The following HSD17B7 variants were observed in gnomAD, a reference collection of about 807,000 sequenced individuals.
HSD17B7 encodes the protein hydroxysteroid 17-beta dehydrogenase 7, also known as 3-keto-steroid reductase/17-beta-hydroxysteroid dehydrogenase 7.
HSD17B7 carries 17 observed loss-of-function variants against 34.1 expected under a neutral mutation model. The observed-to-expected ratio is 0.50, with a 90% CI of 0.34 to 0.75. HSD17B7 has a LOEUF of 0.75. Among genes scored for constraint, HSD17B7 ranks in the 30% least tolerant of loss-of-function variants. HSD17B7 has a pLI of 0.01. For synonymous variants in HSD17B7, 122 were observed against 154.6 expected (o/e 0.79, Z 1.56); for missense variants, 296 against 406.6 (o/e 0.73, Z 2.34).
intron 4 of HSD17B7, among the ~76,000 whole-genome samples, chr1:162,799,149 TA>T (rs71096414): frequency 0.95 from 144,315 of 152,210 alleles, 68,488 homozygotes; most frequent in Non-Finnish European, 0.97. Context: ...TTTATGTCTT[TA>T]ATTCAGTCGT....
At chr1:162,793,997 T>G (rs1474634732) in intron 2 of HSD17B7, among the ~76,000 whole-genome samples, 2 of 152,224 alleles carry the variant, frequency 1.3e-5, no homozygotes, top group Non-Finnish European at 2.9e-5. Flanking sequence ...CTCAGATGTA[T>G]AACTCCCCTG....
rs12118590 is a variant in HSD17B7 at position 162,790,775 on chromosome 1, C to T, written c.-26C>T. The T allele has an allele frequency of 0.019, 31,066 of 1,596,680 alleles. 258 individuals carry two copies. The highest frequency in any genetic ancestry group is 0.023 in the Non-Finnish European group (27,437 of 1,167,760). On this transcript the variant is annotated 5_prime_UTR_variant, in exon 1 of 9. Transcript: ENST00000254521. ...GAAAGCAGCGGCGGTGTTTGCTTCACTGCTTGGAAGTGTGAGTGCGCGAAG... is the reference window on the plus strand; with the variant it reads ...GAAAGCAGCGGCGGTGTTTGCTTCATTGCTTGGAAGTGTGAGTGCGCGAAG...
rs1571006527 is a variant in HSD17B7 at position 162,804,473 on chromosome 1, A to G, written c.804+150A>G. Reference sequence around the variant, plus strand: ...GTCCCGTTTGGAACTAAAGCGGACTATAAGGCTAAGCACAGAACATTAGGA... The same window carrying G: ...GTCCCGTTTGGAACTAAAGCGGACTGTAAGGCTAAGCACAGAACATTAGGA... On this transcript the variant is annotated intron_variant, in intron 7 of 8. Transcript: ENST00000254521. 17 of 595,636 alleles carry G rather than the reference A, an allele frequency of 2.9e-5. 1 individual carries two copies. The South Asian group carries it at 4.0e-4, about 14-fold the overall frequency. The allele number at this position is 595,636 out of a possible 1,614,324, so 36.9% of individuals were successfully genotyped here. A position where few individuals can be genotyped will look rare whatever the true frequency, so the allele number is the denominator to read the frequency against.
intron 5 of HSD17B7, among the ~76,000 whole-genome samples, chr1:162,802,214 T>C (rs1648836230): frequency 6.6e-6 from 1 of 152,204 alleles, no homozygotes; most frequent in Non-Finnish European, 1.5e-5. Context: ...TTGGTTAAGA[T>C]TGTCTTCTTC....
At position 162,812,429 on chromosome 1, in the gene HSD17B7, C is replaced by T. The variant is rs370587706; in HGVS notation, c.*9C>T. 423 of 1,571,232 alleles carry T rather than the reference C, an allele frequency of 2.7e-4. 4 individuals are homozygous for T. The African/African-American group carries it at 4.9e-3, about 18-fold the overall frequency. Reference sequence around the variant, plus strand: ...GTGGCTCATGCCTATAATTCCAGCACTTTGGGAGGCCAAGGCAGAAGGATC... The same window carrying T: ...GTGGCTCATGCCTATAATTCCAGCATTTTGGGAGGCCAAGGCAGAAGGATC... On this transcript the variant is annotated 3_prime_UTR_variant, in exon 9 of 9. Transcript: ENST00000254521.
intron 8 of HSD17B7, among the ~76,000 whole-genome samples, chr1:162,809,143 A>T (rs976884414): frequency 7.2e-5 from 11 of 152,280 alleles, no homozygotes; most frequent in African/African-American, 2.6e-4. Flanking sequence ...GATATGTCCG[A>T]TCAATACCTA....
At chr1:162,795,810 G>C in intron 2 of HSD17B7, 1 of 349,208 alleles carries the variant, frequency 2.9e-6, no homozygotes, top group Middle Eastern at 4.0e-4. Flanking sequence ...TACCTGCCTT[G>C]AACCTAGTTC....
intron 8 of HSD17B7, 113 bp downstream of exon 8, chr1:162,805,605 T>G: frequency 1.4e-6 from 2 of 1,463,028 alleles, no homozygotes; most frequent in African/African-American, 1.4e-5. Context: ...TACTCACTGT[T>G]CACCAGCATC....
intron 1 of HSD17B7, among the ~76,000 whole-genome samples, chr1:162,791,173 A>AT (rs1648393689): frequency 1.3e-5 from 2 of 152,084 alleles, no homozygotes; most frequent in South Asian, 2.1e-4. Context: ...AGTGCCCAAT[A>AT]TTTTGCTCCT....
chr1:162,807,950 T>G lies in HSD17B7; in HGVS notation c.903+2458T>G, dbSNP rs186042694. Among the ~76,000 whole-genome samples, 472 of 152,290 alleles carry G rather than the reference T, an allele frequency of 3.1e-3. 2 individuals carry two copies. Among genetic ancestry groups the G allele is most frequent in the Middle Eastern group, 6.8e-3 (2 of 294 alleles). On this transcript the variant is annotated intron_variant, in intron 8 of 8. Coordinates refer to ENST00000254521, the MANE Select transcript of HSD17B7 (RefSeq NM_016371.4). ...TCCTCTGATGGTAGTTTCTCTTGCT[T>G]TGCAGAAGCTCTTTAGTTTAATTAG... is the stretch of plus-strand genomic sequence containing the variant.
chr1:162,796,976 A>G (rs1244666584), intron 3 of HSD17B7, among the ~76,000 whole-genome samples: 1 of 152,170 alleles, frequency 6.6e-6, no homozygotes. Context: ...AATTAGGCAG[A>G]GTTCTCAGAG....
chr1:162,801,623 CAT>C (rs1326921935), intron 5 of HSD17B7, among the ~76,000 whole-genome samples: 1 of 152,006 alleles, frequency 6.6e-6, no homozygotes, highest in Admixed American at 6.6e-5. Flanking sequence ...GGTGTGTGCA[CAT>C]GTGTTTGTGA....
chr1:162,796,713 A>T (rs772903267), intron 3 of HSD17B7, 36 bp downstream of exon 3: 6 of 1,245,634 alleles, frequency 4.8e-6, no homozygotes, highest in Non-Finnish European at 7.1e-6. Context: ...GATTGGAAGG[A>T]ATGTGTTCAT....
chr1:162,800,931 G>T (rs1247310390), intron 5 of HSD17B7, among the ~76,000 whole-genome samples: 5 of 152,112 alleles, frequency 3.3e-5, no homozygotes, highest in Admixed American at 1.3e-4. Flanking sequence ...GCTTATTCTG[G>T]AATTGCTACC....
chr1:162,803,704 T>C (rs1340264852), intron 6 of HSD17B7, among the ~76,000 whole-genome samples, 169 bp downstream of exon 6: 2 of 152,280 alleles, frequency 1.3e-5, no homozygotes, highest in African/African-American at 2.4e-5. Context: ...TTTCTAAGTG[T>C]TACTGCCACA....
At position 162,812,785 on chromosome 1, in the gene HSD17B7, A is replaced by G. The variant is rs1221378949; in HGVS notation, c.*365A>G. 6.4e-6 allele frequency: 1 copy of G among 157,254 alleles called. No homozygotes were observed. Among genetic ancestry groups the G allele is most frequent in the East Asian group, 1.8e-4 (1 of 5,416 alleles). The allele number at this position is 157,254 out of a possible 1,614,324, so 9.7% of individuals were successfully genotyped here. On this transcript the variant is annotated 3_prime_UTR_variant, in exon 9 of 9. Transcript: ENST00000254521. ...GGTACATGGATTTCTACTGAGTTGG[A>G]TAATATGCATTTGTAATAAACTATG...
At position 162,809,575 on chromosome 1, in the gene HSD17B7, A is replaced by G. The variant is rs373728206; in HGVS notation, c.904-2723A>G. 7.2e-3 allele frequency among the ~76,000 whole-genome samples: 1,079 copies of G among 150,894 alleles called. 9 individuals are homozygous for G. The highest frequency in any genetic ancestry group is 0.025 in the African/African-American group (1,017 of 40,252). ...TCTCCTTGTACCTCTGGTAGAATTCAGCTGTGAATCCATCTGGTCCTGGGC... is the reference window on the plus strand; with the variant it reads ...TCTCCTTGTACCTCTGGTAGAATTCGGCTGTGAATCCATCTGGTCCTGGGC... On this transcript the variant is annotated intron_variant, in intron 8 of 8. Coordinates refer to ENST00000254521, the MANE Select transcript of HSD17B7 (RefSeq NM_016371.4).
chr1:162,809,961 C>G (rs1649120113), intron 8 of HSD17B7, among the ~76,000 whole-genome samples: 1 of 152,040 alleles, frequency 6.6e-6, no homozygotes, highest in Non-Finnish European at 1.5e-5. Flanking sequence ...CAGTTCTGCT[C>G]TGATCTTAGT....
At chr1:162,792,955 C>T in intron 2 of HSD17B7, 93 bp downstream of exon 2, 1 of 1,263,300 alleles carries the variant, frequency 7.9e-7, no homozygotes, top group Non-Finnish European at 1.1e-6. Context: ...TGAAAAGAAA[C>T]AGGTGCGGTG....
Sources: allele counts gnomAD v4.1 joint callset (sites outside exome capture counted in the v4.1 genomes callset), GRCh38; gene constraint gnomAD v4.1.1; transcripts MANE v1.5; gene names NCBI Gene and HGNC (gene_info 2026-07-23, HGNC 2026-07-21).